The following USP28 variants were observed in gnomAD, a reference collection of about 807,000 sequenced individuals.
USP28 encodes the protein ubiquitin specific peptidase 28.
In USP28, 113 loss-of-function variants were observed where a neutral mutation model predicts 145.0. That is an observed-to-expected ratio of 0.78 (90% CI 0.67 to 0.91). The LOEUF (loss-of-function observed/expected upper bound fraction) is 0.91. USP28 is among the 40% of genes least tolerant of loss of function. USP28 has a pLI of 0.00. For missense variants in USP28, 1,201 were observed against 1,289.6 expected (o/e 0.93, Z 1.05); for synonymous variants, 447 against 450.9 (o/e 0.99, Z 0.11).
intron 12 of USP28, among the ~76,000 whole-genome samples, chr11:113,819,720 ATTAT>A (rs760828735): frequency 6.6e-6 from 1 of 152,252 alleles, no homozygotes; most frequent in East Asian, 1.9e-4. Context: ...ACTAAAAACA[ATTAT>A]TTATTTATTT....
chr11:113,858,754 C>A (rs991621750), intron 1 of USP28, among the ~76,000 whole-genome samples: 1 of 152,138 alleles, frequency 6.6e-6, no homozygotes, highest in African/African-American at 2.4e-5. Flanking sequence ...GGATTATAGG[C>A]ACCCACCACC....
exon 1 of USP28, chr11:113,875,542 A>T: frequency 8.8e-7 from 1 of 1,134,274 alleles, no homozygotes. Flanking sequence ...CTCCCGCCGC[A>T]GCCGCCGCCG....
At chr11:113,819,073 C>G (rs557400695) in intron 12 of USP28, among the ~76,000 whole-genome samples, 49 of 151,040 alleles carry the variant, frequency 3.2e-4, no homozygotes, top group African/African-American at 1.1e-3. Context: ...AAAAATATAT[C>G]AAGGTTATCT....
At chr11:113,821,133 T>C (rs1565378251) in intron 12 of USP28, 1 of 237,424 alleles carries the variant, frequency 4.2e-6, no homozygotes, top group Non-Finnish European at 9.3e-6. Flanking sequence ...GTGGATGGCA[T>C]GTCCACCACC....
chr11:113,817,943 T>G, intron 12 of USP28, 106 bp from the exon 13 acceptor site: 1 of 1,195,174 alleles, frequency 8.4e-7, no homozygotes, highest in Non-Finnish European at 1.2e-6. Context: ...AAAGGCTTAT[T>G]CCTAGAGGCT....
chr11:113,853,254 C>T (rs1345896169), intron 2 of USP28, among the ~76,000 whole-genome samples: 2 of 137,050 alleles, frequency 1.5e-5, no homozygotes, highest in African/African-American at 5.4e-5. Flanking sequence ...GAGATCACAC[C>T]ACTGCACTGC....
intron 12 of USP28, among the ~76,000 whole-genome samples, chr11:113,820,074 C>A (rs1008185206): frequency 1.4e-4 from 21 of 152,102 alleles, no homozygotes; most frequent in African/African-American, 5.1e-4. Context: ...AAGGTCATTG[C>A]CAAGGTCTTA....
intron 16 of USP28, among the ~76,000 whole-genome samples, chr11:113,811,929 T>A (rs1941053353): frequency 6.6e-6 from 1 of 152,136 alleles, no homozygotes; most frequent in Admixed American, 6.5e-5. Context: ...AAATACTCGA[T>A]TAATGAAAAA....
chr11:113,804,602 A>G (rs1939605898), intron 21 of USP28, 71 bp downstream of exon 22: 2 of 1,397,078 alleles, frequency 1.4e-6, no homozygotes, highest in Middle Eastern at 1.9e-4. Flanking sequence ...AAAATTGTTT[A>G]TTTTGCCTCA....
chr11:113,823,281 T>G lies in USP28; in HGVS notation c.1283+324A>C, dbSNP rs571227284. Among the ~76,000 whole-genome samples the G allele has an allele frequency of 1.2e-4, 19 of 152,278 alleles. No homozygotes were observed. The East Asian group carries it at 1.4e-3, about 11-fold the overall frequency. ...AAAGTGGACGGGACCATCGTGACAC[T>G]TGCTTCTCTCATGTTTGTGAAAAAG... On this transcript the variant is annotated intron_variant, in intron 12 of 24. Coordinates refer to ENST00000003302, the Ensembl canonical transcript of USP28.
chr11:113,815,255 G>A lies in USP28; in HGVS notation c.1591C>T (p.Arg531Ter). The change falls in exon 14 of 25, where the codon CGA (arginine) becomes TGA (stop). Residue 531 changes from arginine to a stop codon, truncating the protein, a stop_gained. Coordinates refer to ENST00000003302, the Ensembl canonical transcript of USP28. LOFTEE classifies it high-confidence loss of function. ...TTTATCTCCTCATCTGTGACTGTTC[G>A]TGGAGCTGGCTGTGAAGGCATTTCC... 3 of 1,614,138 alleles carry A rather than the reference G, an allele frequency of 1.9e-6. No homozygotes were observed. Among genetic ancestry groups the A allele is most frequent in the Non-Finnish European group, 1.7e-6 (2 of 1,180,032 alleles).
In USP28 at chr11:113,837,199, T is replaced by A. The variant is rs1183930503; in HGVS notation, c.535-2864A>T. On this transcript the variant is annotated intron_variant, in intron 5 of 24. Coordinates refer to ENST00000003302, the Ensembl canonical transcript of USP28. ...ATTCTGTTAGTTTTTAGTTTACTGT[T>A]CATTTTCTATCTCACCTCATGAGAA... 3.9e-5 allele frequency among the ~76,000 whole-genome samples: 6 copies of A among 152,232 alleles called. No homozygotes were observed. The East Asian group carries it at 1.2e-3, about 29-fold the overall frequency.
chr11:113,803,707 G>A (rs556270630), intron 22 of USP28, 91 bp downstream of exon 23: 31 of 1,027,190 alleles, frequency 3.0e-5, no homozygotes, highest in African/African-American at 2.5e-4. Flanking sequence ...GGGAGGTTAT[G>A]CATGGCTGTG....
exon 2 of USP28, chr11:113,854,259 T>A (rs202131205): frequency 6.2e-7 from 1 of 1,613,682 alleles, no homozygotes; most frequent in Non-Finnish European, 8.5e-7. Context: ...GAAACCAACC[T>A]TCAGAGCTTC....
At chr11:113,849,510 A>G (rs555645801) in intron 3 of USP28, among the ~76,000 whole-genome samples, 1 of 151,202 alleles carries the variant, frequency 6.6e-6, no homozygotes, top group African/African-American at 2.4e-5. Context: ...CAGTGGTCAC[A>G]TGATCAGGCA....
intron 1 of USP28, chr11:113,874,458 ATGC>A: frequency 4.1e-6 from 3 of 726,406 alleles, no homozygotes; most frequent in Admixed American, 3.9e-5. Context: ...AAGTGTCTCC[ATGC>A]TAAATACTAC....
chr11:113,833,160 G>A (rs111627606), intron 7 of USP28, among the ~76,000 whole-genome samples: 2 of 152,120 alleles, frequency 1.3e-5, no homozygotes, highest in Non-Finnish European at 2.9e-5. Flanking sequence ...CAATAGCCCC[G>A]GTATAATTCT....
At chr11:113,870,808 T>A (rs1948735643) in intron 1 of USP28, among the ~76,000 whole-genome samples, 1 of 152,218 alleles carries the variant, frequency 6.6e-6, no homozygotes. Context: ...GTTTTGTATA[T>A]TGAGTCTGAA....
At chr11:113,855,390 T>A (rs1946940036) in intron 1 of USP28, among the ~76,000 whole-genome samples, 1 of 152,236 alleles carries the variant, frequency 6.6e-6, no homozygotes, top group African/African-American at 2.4e-5. Flanking sequence ...AATGATCTTT[T>A]TAGATGAATG....
Sources: allele counts gnomAD v4.1 joint callset (sites outside exome capture counted in the v4.1 genomes callset), GRCh38; gene constraint gnomAD v4.1.1; transcripts MANE v1.5; gene names NCBI Gene and HGNC (gene_info 2026-07-23, HGNC 2026-07-21).